Variants in ZNF230 observed in about 807,000 individuals in gnomAD.
The protein encoded by ZNF230 is zinc finger protein 230.
Under a neutral mutation model 10.0 loss-of-function variants are expected in ZNF230, and 12 were observed. That is an observed-to-expected ratio of 1.20 (90% CI 0.77 to 1.95). The LOEUF (loss-of-function observed/expected upper bound fraction) is 1.95. ZNF230 is among the 30% of genes most tolerant of loss of function. The probability of loss-of-function intolerance (pLI) is 0.00; values close to 1 mark genes in which losing one functional copy is unlikely to be tolerated. For synonymous variants in ZNF230, 174 were observed against 193.6 expected (o/e 0.90, Z 0.84); for missense variants, 532 against 565.8 (o/e 0.94, Z 0.61).
chr19:44,010,735 C>T lies in ZNF230; in HGVS notation c.696C>T (p.Gly232=). The T allele has an allele frequency of 2.5e-6, 4 of 1,614,188 alleles. No homozygotes were observed. The highest frequency in any genetic ancestry group is 2.5e-6 in the Non-Finnish European group (3 of 1,180,030). ...KPFKCEQCGK[G]FRCRAILQVH... Reference sequence around the variant, plus strand: ...TCAAATGTGAGCAATGTGGGAAAGGCTTCAGATGTAGAGCGATACTTCAAG... The same window carrying T: ...TCAAATGTGAGCAATGTGGGAAAGGTTTCAGATGTAGAGCGATACTTCAAG... The change falls in exon 5 of 5, where the codon GGC becomes GGT. Residue 232 remains glycine (G), a synonymous_variant. Coordinates refer to ENST00000429154, the MANE Select transcript of ZNF230 (RefSeq NM_006300.4).
rs574606897 is a variant in ZNF230 at position 44,013,283 on chromosome 19, G to A, written c.*1819G>A. 2 of 152,232 alleles carry A rather than the reference G, an allele frequency of 1.3e-5. No homozygotes were observed. The highest frequency in any genetic ancestry group is 2.9e-5 in the Non-Finnish European group (2 of 68,018). 9.4% of individuals were successfully genotyped at this position (152,232 alleles called of 1,614,324 possible). On this transcript the variant is annotated 3_prime_UTR_variant, in exon 5 of 5. Coordinates refer to ENST00000429154, the MANE Select transcript of ZNF230 (RefSeq NM_006300.4). The stretch of plus-strand genomic sequence containing the variant: ...CCTAATATTCTCTTCCTATCTCTAT[G>A]AAATACCAAGAGAAACCTATCGGAG...
intron 4 of ZNF230, 83 bp downstream of exon 4, chr19:44,009,253 C>A (rs1391716729): frequency 6.9e-7 from 1 of 1,445,418 alleles, no homozygotes; most frequent in African/African-American, 1.4e-5. Flanking sequence ...CTTATATCAC[C>A]CTGATCTAAA....
intron 1 of ZNF230, among the ~76,000 whole-genome samples, chr19:44,005,647 G>C (rs1260351766): frequency 6.6e-6 from 1 of 152,114 alleles, no homozygotes; most frequent in African/African-American, 2.4e-5. Context: ...CCAGCATTTT[G>C]GGAGGCAACG....
At chr19:44,010,189 C>A in intron 4 of ZNF230, 80 bp from the exon 5 acceptor site, 1 of 1,311,136 alleles carries the variant, frequency 7.6e-7, no homozygotes, top group Non-Finnish European at 1.0e-6. Flanking sequence ...AAGTTGAATG[C>A]CATATCCTAA....
At position 44,012,229 on chromosome 19, in the gene ZNF230, C is replaced by T. The variant is rs1448534352; in HGVS notation, c.*765C>T. The T allele has an allele frequency of 2.8e-5, 10 of 361,470 alleles. No individual in the cohort carries two copies. The highest frequency in any genetic ancestry group is 4.9e-5 in the Non-Finnish European group (9 of 184,830). 22.4% of individuals were successfully genotyped at this position (361,470 alleles called of 1,614,324 possible). A position where few individuals can be genotyped will look rare whatever the true frequency, so the allele number is the denominator to read the frequency against. On this transcript the variant is annotated 3_prime_UTR_variant, in exon 5 of 5. Transcript: ENST00000429154. ...GTCCTCAACTGCACCAGAGTGTCCACGTTGGACAGAATCCTTAGTAATGAG... is the reference window on the plus strand; with the variant it reads ...GTCCTCAACTGCACCAGAGTGTCCATGTTGGACAGAATCCTTAGTAATGAG...
chr19:44,010,987 C>T lies in ZNF230; in HGVS notation c.948C>T (p.Gly316=). Residue 316 remains glycine (G), a synonymous_variant, in exon 5 of 5, where the codon GGC becomes GGT. Coordinates refer to ENST00000429154, the MANE Select transcript of ZNF230 (RefSeq NM_006300.4). The part of the protein sequence containing the change: ...KLYKSEECGK[G]FTDSLDLHKH... ...ACAAATCTGAGGAGTGTGGAAAAGG[C>T]TTCACTGATAGCCTAGATTTGCATA... The T allele has an allele frequency of 1.2e-6, 2 of 1,614,180 alleles. No homozygotes were observed. Among genetic ancestry groups the T allele is most frequent in the Non-Finnish European group, 1.7e-6 (2 of 1,180,028 alleles).
Position 44,013,847 on chromosome 19 carries a change from A to G in ZNF230, c.*2383A>G, listed in dbSNP as rs1161190434. On this transcript the variant is annotated 3_prime_UTR_variant, in exon 5 of 5. Coordinates refer to ENST00000429154, the MANE Select transcript of ZNF230 (RefSeq NM_006300.4). ...ATCAAAGCAGTAAATTTAGTGCAAT[A>G]AATTTGCAAACTTATTAACGTTAAT... 6.6e-6 allele frequency: 1 copy of G among 152,210 alleles called. No homozygotes were observed. The allele number at this position is 152,210 out of a possible 1,614,324, so 9.4% of individuals were successfully genotyped here. A position where few individuals can be genotyped will look rare whatever the true frequency, so the allele number is the denominator to read the frequency against.
At position 44,010,327 on chromosome 19, in the gene ZNF230, G is replaced by A; in HGVS notation, c.288G>A (p.Trp96Ter). Residue 96 changes from tryptophan (W) to a stop codon, truncating the protein, a stop_gained, in exon 5 of 5, where the codon TGG becomes TGA. Coordinates refer to ENST00000429154, the MANE Select transcript of ZNF230 (RefSeq NM_006300.4). LOFTEE classifies it low-confidence loss of function (END_TRUNC). ...PHEDCPCQQI[W>*]EQTASDLTQS... is the part of the protein sequence containing the mutation. ...AAGACTGCCCTTGCCAGCAAATCTG[G>A]GAACAAACTGCAAGTGACTTAACCC... 2 of 1,614,054 alleles carry A rather than the reference G, an allele frequency of 1.2e-6. No individual in the cohort carries two copies. Among genetic ancestry groups the A allele is most frequent in the South Asian group, 1.1e-5 (1 of 91,072 alleles).
chr19:44,008,491 A>C (rs1175567302), intron 2 of ZNF230, among the ~76,000 whole-genome samples: 2 of 152,222 alleles, frequency 1.3e-5, no homozygotes, highest in African/African-American at 4.8e-5. Flanking sequence ...TGCTGGGGCA[A>C]CTGGGGCAAT....
Position 44,012,754 on chromosome 19 carries a change from C to A in ZNF230, c.*1290C>A. Reference sequence around the variant, plus strand: ...AAAATATGATATTTTAAAATTGCATCTAGGAGAGAAAATCTACAAAAAATA... The same window carrying A: ...AAAATATGATATTTTAAAATTGCATATAGGAGAGAAAATCTACAAAAAATA... On this transcript the variant is annotated 3_prime_UTR_variant, in exon 5 of 5. Transcript: ENST00000429154. The A allele has an allele frequency of 1.0e-5, 2 of 198,308 alleles. No individual in the cohort carries two copies. The highest frequency in any genetic ancestry group is 1.0e-5 in the Non-Finnish European group (1 of 96,784). 12.3% of individuals were successfully genotyped at this position (198,308 alleles called of 1,614,324 possible). A position where few individuals can be genotyped will look rare whatever the true frequency, so the allele number is the denominator to read the frequency against.
intron 1 of ZNF230, chr19:44,004,190 T>A (rs1165980381): frequency 6.6e-6 from 1 of 152,242 alleles, no homozygotes. Flanking sequence ...TATTTCGTAC[T>A]GTTGTGGAAC....
chr19:44,011,406 G>T lies in ZNF230; in HGVS notation c.1367G>T (p.Arg456Leu). Residue 456 changes from arginine (R) to leucine (L), a missense_variant, in exon 5 of 5, where the codon CGC becomes CTC. Physicochemically the swap from Arg to Leu is moderately radical, Grantham distance 102. Coordinates refer to ENST00000429154, the MANE Select transcript of ZNF230 (RefSeq NM_006300.4). Reference sequence around the variant, plus strand: ...TCCAAATGTGAGGACTGTGGGAAGCGCTACAAGAGGCGCTTGAATCTGGAT... The same window carrying T: ...TCCAAATGTGAGGACTGTGGGAAGCTCTACAAGAGGCGCTTGAATCTGGAT... ...NSSKCEDCGK[R>L]YKRRLNLDII... 6.2e-7 allele frequency: 1 copy of T among 1,608,782 alleles called. No homozygotes were observed. The highest frequency in any genetic ancestry group is 8.5e-7 in the Non-Finnish European group (1 of 1,178,556).
Position 44,012,055 on chromosome 19 carries a change from G to GGT in ZNF230, c.*591_*592insGT. ...AATGAACATGGTAGTGTAGATATCT[G>GGT]ATCCACATACTGATTTCCTTTGCTT... On this transcript the variant is annotated 3_prime_UTR_variant, in exon 5 of 5. Coordinates refer to ENST00000429154, the MANE Select transcript of ZNF230 (RefSeq NM_006300.4). 4.4e-6 allele frequency: 1 copy of GGT among 228,850 alleles called. No individual in the cohort carries two copies. The highest frequency in any genetic ancestry group is 5.7e-5 in the South Asian group (1 of 17,638). The allele number at this position is 228,850 out of a possible 1,614,324, so 14.2% of individuals were successfully genotyped here.
Position 44,011,155 on chromosome 19 carries a change from C to A in ZNF230, c.1116C>A (p.Gly372=), listed in dbSNP as rs1976178285. The change falls in exon 5 of 5, where the codon GGC becomes GGA. Residue 372 remains glycine, a synonymous_variant. Transcript: ENST00000429154. ...ACAGATGTGAGGAGTGTGGGAAGGG[C>A]TACATTAGTAAGTCAGGTCTTAACT... ...KPYRCEECGK[G]YISKSGLNLH... 1 of 1,614,036 alleles carries A rather than the reference C, an allele frequency of 6.2e-7. No homozygotes were observed. The highest frequency in any genetic ancestry group is 1.3e-5 in the African/African-American group (1 of 74,916).
At position 44,010,149 on chromosome 19, in the gene ZNF230, A is replaced by G. The variant is rs77834256; in HGVS notation, c.230-120A>G. ...ACATACAAACCAGAAAACAAGATTC[A>G]TGGGGAAAACATAAACTGAACATTC... On this transcript the variant is annotated intron_variant, in intron 4 of 4. Coordinates refer to ENST00000429154, the MANE Select transcript of ZNF230 (RefSeq NM_006300.4). 1,534 of 963,468 alleles carry G rather than the reference A, an allele frequency of 1.6e-3. 43 individuals are homozygous for G. In the East Asian group the frequency reaches 0.035, roughly 22 times the overall value. The allele number at this position is 963,468 out of a possible 1,614,324, so 59.7% of individuals were successfully genotyped here.
At chr19:44,005,078 C>T (rs1035813813) in intron 1 of ZNF230, among the ~76,000 whole-genome samples, 15 of 150,856 alleles carry the variant, frequency 9.9e-5, no homozygotes, top group African/African-American at 3.2e-4. Flanking sequence ...AGCGAGATCG[C>T]GCCACTGCAC....
At chr19:44,003,757 C>A in intron 1 of ZNF230, 1 of 208,784 alleles carries the variant, frequency 4.8e-6, no homozygotes, top group South Asian at 9.1e-5. Context: ...GTGATTGGTC[C>A]TTGGCTTTTT....
In ZNF230 at chr19:44,010,266, T is replaced by TAA; in HGVS notation, c.230-2_230-1insAA. ...CACATCTCTTCATTCTGTGTCCTTATAGGCGGCAAGACTATTGCGGAAGCA... is the reference window on the plus strand; with the variant it reads ...CACATCTCTTCATTCTGTGTCCTTATAAAGGCGGCAAGACTATTGCGGAAGCA... On this transcript the variant is annotated splice_region_variant and splice_polypyrimidine_tract_variant and intron_variant, in intron 4 of 4. Transcript: ENST00000429154. The TAA allele has an allele frequency of 6.3e-7, 1 of 1,597,044 alleles. No homozygotes were observed. The highest frequency in any genetic ancestry group is 8.5e-7 in the Non-Finnish European group (1 of 1,170,664).
intron 2 of ZNF230, 71 bp from the exon 3 acceptor site, chr19:44,008,719 C>T (rs1338061900): frequency 6.4e-7 from 1 of 1,553,310 alleles, no homozygotes; most frequent in African/African-American, 1.4e-5. Flanking sequence ...TCCTCTCCGC[C>T]TGCTCAATGC....
Sources: allele counts gnomAD v4.1 joint callset (sites outside exome capture counted in the v4.1 genomes callset), GRCh38; gene constraint gnomAD v4.1.1; transcripts MANE v1.5; gene names NCBI Gene and HGNC (gene_info 2026-07-23, HGNC 2026-07-21).